The following MGAT4A variants were observed in gnomAD, a reference collection of about 807,000 sequenced individuals.
The protein encoded by MGAT4A is N-acetylglucosaminyltransferase IVa.
MGAT4A carries 33 observed loss-of-function variants against 74.1 expected under a neutral mutation model. The observed-to-expected ratio is 0.45, with a 90% confidence interval of 0.34 to 0.60. MGAT4A has a LOEUF of 0.60. MGAT4A is among the 20% of genes least tolerant of loss of function. The pLI is 0.02. For synonymous variants in MGAT4A, 198 were observed against 210.4 expected, an observed-to-expected ratio of 0.94 and a Z score of 0.51; for missense variants, 479 against 628.3, an observed-to-expected ratio of 0.76 and a Z score of 2.54.
intron 2 of MGAT4A, among the ~76,000 whole-genome samples, chr2:98,696,673 T>A (rs912472781): frequency 2.0e-5 from 3 of 152,226 alleles, no homozygotes; most frequent in Non-Finnish European, 2.9e-5. Flanking sequence ...GTATCCAGCC[T>A]GTCTAGTGAT....
At chr2:98,681,418 TAC>T (rs1367520799) in intron 2 of MGAT4A, among the ~76,000 whole-genome samples, 1 of 152,202 alleles carries the variant, frequency 6.6e-6, no homozygotes, top group African/African-American at 2.4e-5. Context: ...GAGATCAGAA[TAC>T]GTTATATGGT....
intron 4 of MGAT4A, among the ~76,000 whole-genome samples, chr2:98,667,150 T>C (rs7355506): frequency 0.073 from 11,137 of 152,240 alleles, 920 homozygotes; most frequent in African/African-American, 0.18. Flanking sequence ...CCTTGCCTTC[T>C]GCCATGATTG....
chr2:98,648,288 C>T (rs1701524630), intron 8 of MGAT4A, among the ~76,000 whole-genome samples: 1 of 152,140 alleles, frequency 6.6e-6, no homozygotes, highest in Non-Finnish European at 1.5e-5. Context: ...CACTTGAGGT[C>T]AGGAGTTTGA....
intron 2 of MGAT4A, among the ~76,000 whole-genome samples, chr2:98,709,663 C>T (rs988425396): frequency 7.2e-5 from 11 of 152,182 alleles, no homozygotes; most frequent in South Asian, 2.1e-4. Context: ...TTTTCCACAA[C>T]TCACACACAG....
intron 2 of MGAT4A, among the ~76,000 whole-genome samples, chr2:98,719,709 C>T (rs1247659387): frequency 2.6e-5 from 4 of 152,122 alleles, no homozygotes; most frequent in Non-Finnish European, 5.9e-5. Context: ...ACAGTGGGGG[C>T]GATCTCGGCT....
rs184476016 is a variant in MGAT4A at position 98,631,130 on chromosome 2, T to C, written c.1468+4092A>G. On this transcript the variant is annotated intron_variant, in intron 14 of 15. Coordinates refer to ENST00000393487, the MANE Select transcript of MGAT4A (RefSeq NM_012214.3). ...CAGCTTTAACCCACTGAAATAGAAC[T>C]AGTATTTCTTCCACAAGACCATTCT... Among the ~76,000 whole-genome samples the C allele has an allele frequency of 3.4e-3, 514 of 152,248 alleles. 2 individuals carry two copies. The highest frequency in any genetic ancestry group is 6.2e-3 in the Non-Finnish European group (423 of 68,004).
intron 2 of MGAT4A, among the ~76,000 whole-genome samples, chr2:98,702,236 G>A (rs1024120744): frequency 3.9e-5 from 6 of 152,188 alleles, no homozygotes; most frequent in Non-Finnish European, 8.8e-5. Flanking sequence ...GGCAGGCCTT[G>A]AAAACTAGCA....
rs1333925888 is a variant in MGAT4A, at chr2:98,658,280, A to T, written c.538-16T>A. The T allele has an allele frequency of 6.6e-7, 1 of 1,504,364 alleles. No individual in the cohort carries two copies. Among genetic ancestry groups the T allele is most frequent in the South Asian group, 1.2e-5 (1 of 80,244 alleles). 93.2% of individuals were successfully genotyped at this position (1,504,364 alleles called of 1,614,324 possible). A position where few individuals can be genotyped will look rare whatever the true frequency, so the allele number is the denominator to read the frequency against. ...CAATATCTGTCTGGGAAAGAAAAAA[A>T]ATGTATCTATATTCAAGTTTTTATA... On this transcript the variant is annotated splice_polypyrimidine_tract_variant and intron_variant, in intron 5 of 15. Transcript: ENST00000393487.
chr2:98,706,640 TAA>T (rs879908885), intron 2 of MGAT4A, among the ~76,000 whole-genome samples: 13 of 139,940 alleles, frequency 9.3e-5, no homozygotes, highest in East Asian at 2.0e-4. Context: ...GATGTGAATT[TAA>T]AAAAAAAAAA....
At chr2:98,723,881 T>C (rs1420762540) in intron 2 of MGAT4A, among the ~76,000 whole-genome samples, 1 of 152,236 alleles carries the variant, frequency 6.6e-6, no homozygotes, top group Non-Finnish European at 1.5e-5. Flanking sequence ...GCTGCCTGAA[T>C]TCAAACTTTA....
Position 98,621,881 on chromosome 2 carries a change from T to C in MGAT4A, c.*3685A>G. On this transcript the variant is annotated 3_prime_UTR_variant, in exon 16 of 16. Transcript: ENST00000393487. ...AATTATTGACTAGTGCAACCACTGA[T>C]TTGAGAAGATACACACTTTGTTCAA... 1.0e-6 allele frequency: 1 copy of C among 1,002,656 alleles called. No homozygotes were observed. The highest frequency in any genetic ancestry group is 1.2e-6 in the Non-Finnish European group (1 of 841,000). 62.1% of individuals were successfully genotyped at this position (1,002,656 alleles called of 1,614,324 possible).
chr2:98,661,167 A>T (rs187628678), intron 5 of MGAT4A, among the ~76,000 whole-genome samples: 29 of 152,346 alleles, frequency 1.9e-4, no homozygotes, highest in Admixed American at 9.1e-4. Context: ...AATCCTCAAC[A>T]CTGCTAATCA....
chr2:98,686,530 T>G (rs1002946743), intron 2 of MGAT4A, among the ~76,000 whole-genome samples: 20 of 149,906 alleles, frequency 1.3e-4, no homozygotes, highest in African/African-American at 4.2e-4. Context: ...ATAACACAGG[T>G]TTTTTTTTGG....
At chr2:98,693,673 T>C (rs1702224126) in intron 2 of MGAT4A, among the ~76,000 whole-genome samples, 1 of 139,472 alleles carries the variant, frequency 7.2e-6, no homozygotes, top group African/African-American at 2.6e-5. Context: ...GAGTGAGAGC[T>C]TCTCTCAAAA....
At chr2:98,626,685 G>A (rs1701149643) in intron 14 of MGAT4A, among the ~76,000 whole-genome samples, 2 of 152,104 alleles carry the variant, frequency 1.3e-5, no homozygotes, top group African/African-American at 4.8e-5. Flanking sequence ...AATGATAACT[G>A]AATACAATAT....
chr2:98,685,238 TAA>T lies in MGAT4A; in HGVS notation c.95-6769_95-6768del, dbSNP rs79947111. Among the ~76,000 whole-genome samples, 582 of 133,402 alleles carry T rather than the reference TAA, an allele frequency of 4.4e-3. 1 individual carries two copies. The highest frequency in any genetic ancestry group is 0.019 in the East Asian group (88 of 4,534). The allele number at this position is 133,402 out of a possible 152,430, so 87.5% of individuals were successfully genotyped here. ...GGTGATAGAGCAAGACCCTGTCTCT[TAA>T]AAAAAAAAAAAAAAAAAGTAGTCAT... On this transcript the variant is annotated intron_variant, in intron 2 of 15. Coordinates refer to ENST00000393487, the MANE Select transcript of MGAT4A (RefSeq NM_012214.3).
chr2:98,702,231 G>A (rs1702363613), intron 2 of MGAT4A, among the ~76,000 whole-genome samples: 1 of 152,178 alleles, frequency 6.6e-6, no homozygotes, highest in Non-Finnish European at 1.5e-5. Flanking sequence ...CGTGGGGCAG[G>A]CCTTGAAAAC....
chr2:98,702,640 G>A (rs1428925653), intron 2 of MGAT4A, among the ~76,000 whole-genome samples: 3 of 152,212 alleles, frequency 2.0e-5, no homozygotes, highest in East Asian at 1.9e-4. Flanking sequence ...GCAGTACCGT[G>A]TGCTCCACAG....
At chr2:98,668,819 G>A (rs6729151) in intron 4 of MGAT4A, among the ~76,000 whole-genome samples, 32,846 of 152,206 alleles carry the variant, frequency 0.22, 4,129 homozygotes, top group African/African-American at 0.32. Context: ...TGACCTGGAC[G>A]TGAGACATGG....
Sources: gnomAD v4.1 joint callset for allele counts (sites outside exome capture counted in the v4.1 genomes callset) on GRCh38, gnomAD v4.1.1 for gene constraint, MANE v1.5 for transcripts, NCBI Gene and HGNC (gene_info 2026-07-23, HGNC 2026-07-21) for gene names.